The following PLA2G4A variants were observed in gnomAD, a reference collection of about 807,000 sequenced individuals.
PLA2G4A encodes the protein phospholipase A2 group IVA.
A neutral mutation model predicts 81.9 loss-of-function variants in PLA2G4A; 40 were observed. The ratio of observed to expected loss-of-function variants is 0.49; its 90% CI spans 0.38 to 0.64. The LOEUF is 0.64. PLA2G4A is among the 30% of genes least tolerant of loss of function. The probability of loss-of-function intolerance (pLI) is 0.00; values close to 1 mark genes in which losing one functional copy is unlikely to be tolerated. For missense variants in PLA2G4A, 715 were observed against 905.1 expected (o/e 0.79, Z 2.69); for synonymous variants, 302 against 296.9 (o/e 1.02, Z -0.18).
chr1:186,865,681 C>T (rs1653001920), intron 2 of PLA2G4A, among the ~76,000 whole-genome samples: 1 of 152,030 alleles, frequency 6.6e-6, no homozygotes. Context: ...CTTTATTTTC[C>T]ATCAACTTTA....
intron 14 of PLA2G4A, among the ~76,000 whole-genome samples, chr1:186,956,701 A>T (rs773864979): frequency 6.6e-6 from 1 of 151,936 alleles, no homozygotes; most frequent in Non-Finnish European, 1.5e-5. Context: ...TTTTGTAGAG[A>T]CAGGTTTTTG....
rs2307197 is a variant in PLA2G4A at position 186,870,551 on chromosome 1, T to C, written c.115+35T>C. ...CTTTTTTTCTTTGCTGTTAAACATGTAATTATGGTTCAGCCTTTAATTGCT... is the reference window on the plus strand; with the variant it reads ...CTTTTTTTCTTTGCTGTTAAACATGCAATTATGGTTCAGCCTTTAATTGCT... On this transcript the variant is annotated intron_variant, in intron 3 of 17. Coordinates refer to ENST00000367466, the MANE Select transcript of PLA2G4A (RefSeq NM_024420.3). 1.1e-5 allele frequency: 15 copies of C among 1,415,080 alleles called. No individual in the cohort carries two copies. The African/African-American group carries it at 1.3e-4, about 12-fold the overall frequency. The allele number at this position is 1,415,080 out of a possible 1,614,324, so 87.7% of individuals were successfully genotyped here. A position where few individuals can be genotyped will look rare whatever the true frequency, so the allele number is the denominator to read the frequency against.
At chr1:186,855,647 G>A (rs1652524776) in intron 2 of PLA2G4A, among the ~76,000 whole-genome samples, 1 of 151,926 alleles carries the variant, frequency 6.6e-6, no homozygotes, top group African/African-American at 2.4e-5. Flanking sequence ...ATTCAACGTT[G>A]TGTCTATGAG....
At chr1:186,937,060 A>G (rs999847390) in intron 8 of PLA2G4A, among the ~76,000 whole-genome samples, 3 of 151,154 alleles carry the variant, frequency 2.0e-5, no homozygotes, top group African/African-American at 7.3e-5. Context: ...AGATAATCTC[A>G]CTCAGTTAGA....
At chr1:186,855,191 C>G (rs562524035) in intron 2 of PLA2G4A, among the ~76,000 whole-genome samples, 73 of 151,986 alleles carry the variant, frequency 4.8e-4, no homozygotes, top group African/African-American at 1.7e-3. Flanking sequence ...GGACTCAGCC[C>G]TTCCACTTCA....
intron 10 of PLA2G4A, among the ~76,000 whole-genome samples, chr1:186,945,772 T>C (rs965130814): frequency 1.3e-5 from 2 of 152,188 alleles, no homozygotes; most frequent in African/African-American, 4.8e-5. Flanking sequence ...CAGGAGTTCT[T>C]GCTGAAGACA....
At chr1:186,981,294 T>G (rs573024795) in intron 17 of PLA2G4A, among the ~76,000 whole-genome samples, 1 of 152,310 alleles carries the variant, frequency 6.6e-6, no homozygotes, top group Admixed American at 6.5e-5. Context: ...TATGTGTATC[T>G]TAACCAAATA....
intron 7 of PLA2G4A, among the ~76,000 whole-genome samples, chr1:186,930,702 A>T (rs139369089): frequency 4.6e-5 from 7 of 152,320 alleles, no homozygotes; most frequent in Non-Finnish European, 1.0e-4. Context: ...ATGCCCCCAT[A>T]TAATTTTTGA....
At chr1:186,857,096 A>AATATATC (rs1652586945) in intron 2 of PLA2G4A, among the ~76,000 whole-genome samples, 1 of 2,472 alleles carries the variant, frequency 4.0e-4, no homozygotes, top group Non-Finnish European at 7.4e-4. Context: ...TATAATATAT[A>AATATATC]ATATAATTAT....
At chr1:186,921,261 C>T (rs1290924185) in intron 7 of PLA2G4A, among the ~76,000 whole-genome samples, 2 of 152,192 alleles carry the variant, frequency 1.3e-5, no homozygotes, top group African/African-American at 4.8e-5. Flanking sequence ...CCTGTAGCCA[C>T]TTAGTTGCCA....
chr1:186,956,995 C>A (rs1656777261), intron 14 of PLA2G4A, among the ~76,000 whole-genome samples: 1 of 151,846 alleles, frequency 6.6e-6, no homozygotes, highest in Admixed American at 6.6e-5. Context: ...TCGAGACCAG[C>A]CTGGACAACA....
chr1:186,914,441 C>T (rs982280091), intron 7 of PLA2G4A, among the ~76,000 whole-genome samples: 3 of 148,080 alleles, frequency 2.0e-5, no homozygotes, highest in South Asian at 4.3e-4. Flanking sequence ...TTTGTTTGGC[C>T]GGGAGCATCG....
chr1:186,979,743 G>A (rs1191443064), intron 17 of PLA2G4A, among the ~76,000 whole-genome samples: 1 of 151,786 alleles, frequency 6.6e-6, no homozygotes, highest in Non-Finnish European at 1.5e-5. Flanking sequence ...TTTATTATAT[G>A]ATATAACAAA....
intron 3 of PLA2G4A, among the ~76,000 whole-genome samples, chr1:186,885,731 T>A (rs1038327822): frequency 6.6e-6 from 1 of 151,974 alleles, no homozygotes; most frequent in Non-Finnish European, 1.5e-5. Flanking sequence ...AATAATCAAA[T>A]GGAAAATTTT....
rs1657973352 is a variant in PLA2G4A, at chr1:186,988,678, T to A, written c.*170T>A. 1 of 564,330 alleles carries A rather than the reference T, an allele frequency of 1.8e-6. No homozygotes were observed. Among genetic ancestry groups the A allele is most frequent in the Non-Finnish European group, 3.3e-6 (1 of 306,624 alleles). The allele number at this position is 564,330 out of a possible 1,614,324, so 35.0% of individuals were successfully genotyped here. The stretch of plus-strand genomic sequence containing the variant: ...AGAATAATACTATTATAAGTTAGGT[T>A]GACAAATGATGTTGATTATGTAAGG... On this transcript the variant is annotated 3_prime_UTR_variant, in exon 18 of 18. Coordinates refer to ENST00000367466, the MANE Select transcript of PLA2G4A (RefSeq NM_024420.3).
rs1653896263 is a variant in PLA2G4A, at chr1:186,885,264, C to T, written c.116-7747C>T. 2.0e-5 allele frequency among the ~76,000 whole-genome samples: 3 copies of T among 152,018 alleles called. No homozygotes were observed. The South Asian group carries it at 6.2e-4, about 32-fold the overall frequency. ...AAAACAGGACAAAGATATTGGCAGTCTCATAAGAGGAAACAAACAAACAAA... is the reference window on the plus strand; with the variant it reads ...AAAACAGGACAAAGATATTGGCAGTTTCATAAGAGGAAACAAACAAACAAA... On this transcript the variant is annotated intron_variant, in intron 3 of 17. Coordinates refer to ENST00000367466, the MANE Select transcript of PLA2G4A (RefSeq NM_024420.3).
rs770739832 is a variant in PLA2G4A, at chr1:186,979,350, G to A, written c.1996G>A (p.Ala666Thr). ...PRETEEEKEI[A>T]DFDIFDDPES... Reference sequence around the variant, plus strand: ...GGAAACTGAGGAAGAGAAAGAAATCGCTGACTTTGATATTTTTGATGACCC... The same window carrying A: ...GGAAACTGAGGAAGAGAAAGAAATCACTGACTTTGATATTTTTGATGACCC... Residue 666 changes from alanine (A) to threonine (T), a missense_variant, in exon 17 of 18, where the codon GCT becomes ACT. Ala to Thr is a moderately conservative substitution (Grantham distance 58, BLOSUM62 0). Transcript: ENST00000367466. 8 of 1,611,488 alleles carry A rather than the reference G, an allele frequency of 5.0e-6. No individual in the cohort carries two copies. Among genetic ancestry groups the A allele is most frequent in the South Asian group, 2.2e-5 (2 of 91,024 alleles).
chr1:186,898,466 G>T (rs1411022401), intron 5 of PLA2G4A, among the ~76,000 whole-genome samples: 1 of 152,072 alleles, frequency 6.6e-6, no homozygotes, highest in Non-Finnish European at 1.5e-5. Context: ...AACTCTCTAG[G>T]GAGCTTGCAT....
chr1:186,985,144 C>T (rs1210625185), intron 17 of PLA2G4A, among the ~76,000 whole-genome samples: 1 of 152,180 alleles, frequency 6.6e-6, no homozygotes, highest in Non-Finnish European at 1.5e-5. Flanking sequence ...CACAGCCTCC[C>T]ATCCTCAGTC....
Sources: allele counts gnomAD v4.1 joint callset (sites outside exome capture counted in the v4.1 genomes callset), GRCh38; gene constraint gnomAD v4.1.1; transcripts MANE v1.5; gene names NCBI Gene and HGNC (gene_info 2026-07-23, HGNC 2026-07-21).